RUFY3: variants seen among roughly 807,000 people sequenced by gnomAD.
RUFY3 encodes protein RUFY3.
RUFY3 carries 34 observed loss-of-function variants against 84.0 expected under a neutral mutation model. The observed-to-expected ratio is 0.40, with a 90% CI of 0.31 to 0.54. The LOEUF (loss-of-function observed/expected upper bound fraction) is 0.54, where lower values mean the gene tolerates loss of function less well. Among genes scored for constraint, RUFY3 ranks in the 20% least tolerant of loss-of-function variants. The pLI, the probability that RUFY3 is intolerant of heterozygous loss-of-function variation, is 0.39. For synonymous variants in RUFY3, 242 were observed against 252.9 expected, an observed-to-expected ratio of 0.96 and a Z score of 0.41; for missense variants, 507 against 736.8, an observed-to-expected ratio of 0.69 and a Z score of 3.61.
chr4:70,796,302 C>T (rs979687192), intron 14 of RUFY3, among the ~76,000 whole-genome samples: 1 of 152,232 alleles, frequency 6.6e-6, no homozygotes, highest in African/African-American at 2.4e-5. Context: ...TCCCTAAAAA[C>T]TGTTGCCATG....
rs1729519135 is a variant in RUFY3, at chr4:70,784,819, A to G, written c.1011A>G (p.Ala337=). The change falls in exon 10 of 18, where the codon GCA becomes GCG. Residue 337 remains alanine (A), a synonymous_variant. Transcript: ENST00000381006. Reference sequence around the variant, plus strand: ...AGGGTCCCAAGCAAGACAGAACTGCAGAAGGGCAAGCACTAAGTGAAGCAA... The same window carrying G: ...AGGGTCCCAAGCAAGACAGAACTGCGGAAGGGCAAGCACTAAGTGAAGCAA... ...NRKGPKQDRT[A]EGQALSEARK... 1 of 1,605,928 alleles carries G rather than the reference A, an allele frequency of 6.2e-7. No homozygotes were observed. Among genetic ancestry groups the G allele is most frequent in the Non-Finnish European group, 8.5e-7 (1 of 1,176,734 alleles).
chr4:70,764,362 C>CAGTG, intron 3 of RUFY3, 113 bp from the exon 4 acceptor site: 1 of 724,560 alleles, frequency 1.4e-6, no homozygotes, highest in Non-Finnish European at 2.4e-6. Flanking sequence ...AGGAGCACCT[C>CAGTG]AGTGTGCTTG....
intron 6 of RUFY3, among the ~76,000 whole-genome samples, chr4:70,774,646 T>A (rs7697086): frequency 0.017 from 902 of 54,134 alleles, 2 homozygotes; most frequent in African/African-American, 0.033. Context: ...AAAAAAAAAA[T>A]ATATATATAT....
chr4:70,706,956 G>T (rs1300925124), intron 1 of RUFY3, among the ~76,000 whole-genome samples: 1 of 152,152 alleles, frequency 6.6e-6, no homozygotes, highest in Admixed American at 6.5e-5. Context: ...TATTAAGCAT[G>T]CTACTATAGA....
intron 13 of RUFY3, 56 bp from the exon 14 acceptor site, chr4:70,794,739 A>C: frequency 8.8e-7 from 1 of 1,135,864 alleles, no homozygotes; most frequent in South Asian, 1.3e-5. Context: ...TTCTTTAGAG[A>C]ATATGTCTGT....
intron 1 of RUFY3, among the ~76,000 whole-genome samples, 157 bp from the exon 2 acceptor site, chr4:70,762,362 A>G (rs551011140): frequency 1.8e-3 from 276 of 152,298 alleles, no homozygotes; most frequent in African/African-American, 6.4e-3. Context: ...GATTTGATAA[A>G]ATAGTTCATT....
At chr4:70,785,586 T>C (rs1729652150) in intron 10 of RUFY3, among the ~76,000 whole-genome samples, 1 of 151,802 alleles carries the variant, frequency 6.6e-6, no homozygotes, top group East Asian at 1.9e-4. Flanking sequence ...CCCAGCACTT[T>C]GGGAGGCTGA....
intron 1 of RUFY3, among the ~76,000 whole-genome samples, chr4:70,756,751 T>C (rs1724087094): frequency 6.6e-6 from 1 of 152,186 alleles, no homozygotes. Context: ...CTCCTATGCA[T>C]ATTCCCCTGG....
intron 1 of RUFY3, among the ~76,000 whole-genome samples, chr4:70,753,193 A>C (rs1226289313): frequency 6.6e-6 from 1 of 152,214 alleles, no homozygotes; most frequent in Non-Finnish European, 1.5e-5. Context: ...AGTTGTCCGT[A>C]GTATTCCCTT....
intron 12 of RUFY3, 157 bp from the exon 13 acceptor site, chr4:70,793,628 C>T: frequency 6.7e-7 from 1 of 1,489,334 alleles, no homozygotes; most frequent in Non-Finnish European, 8.9e-7. Flanking sequence ...TCTTTTCCCC[C>T]CCATAATTTC....
At chr4:70,748,816 T>C (rs1050703046) in intron 1 of RUFY3, among the ~76,000 whole-genome samples, 1 of 152,152 alleles carries the variant, frequency 6.6e-6, no homozygotes. Flanking sequence ...AAGCTTCGTC[T>C]CTCATTATCA....
chr4:70,717,187 AAG>A (rs1560440221), upstream of RUFY3, among the ~76,000 whole-genome samples: 2 of 152,202 alleles, frequency 1.3e-5, no homozygotes, highest in South Asian at 4.1e-4. Context: ...TATTTTTAAA[AAG>A]CGTACAATGC....
At chr4:70,764,359 C>T (rs1266626765) in intron 3 of RUFY3, 116 bp from the exon 4 acceptor site, 2 of 715,034 alleles carry the variant, frequency 2.8e-6, no homozygotes, top group Admixed American at 2.4e-5. Context: ...CTGAGGAGCA[C>T]CTCAGTGTGC....
chr4:70,708,318 C>T (rs988202355), intron 1 of RUFY3, among the ~76,000 whole-genome samples: 6 of 151,928 alleles, frequency 3.9e-5, no homozygotes, highest in Non-Finnish European at 7.4e-5. Flanking sequence ...ATTACAGGTG[C>T]GCACCACCAC....
At chr4:70,778,573 C>CTTTTTTTTTTTTT (rs377520137) in intron 8 of RUFY3, 135 bp downstream of exon 8, 4 of 151,854 alleles carry the variant, frequency 2.6e-5, no homozygotes, top group Admixed American at 9.6e-5. Context: ...ACTTCTTATT[C>CTTTTTTTTTTTTT]TTTTTTTTTT....
rs767730751 is a variant in RUFY3 at position 70,784,802 on chromosome 4, A to C, written c.994A>C (p.Lys332Gln). ...TGTTATTTATCTTTTCAAGGGTCCCAAGCAAGACAGAACTGCAGAAGGGCA... is the reference window on the plus strand; with the variant it reads ...TGTTATTTATCTTTTCAAGGGTCCCCAGCAAGACAGAACTGCAGAAGGGCA... ...YILESNRKGPKQDRTAEGQAL... is the reference protein window; with the variant it reads ...YILESNRKGPQQDRTAEGQAL... The change falls in exon 10 of 18, where the codon AAG becomes CAG. Residue 332 changes from lysine (K) to glutamine (Q), a missense_variant. This residue lies in a region of RUFY3 where 334 missense variants were observed against 364.1 expected (regional missense o/e 0.92). Transcript: ENST00000381006. 3 of 1,601,102 alleles carry C rather than the reference A, an allele frequency of 1.9e-6. No individual in the cohort carries two copies. Among genetic ancestry groups the C allele is most frequent in the Non-Finnish European group, 2.6e-6 (3 of 1,174,868 alleles).
At chr4:70,719,972 T>C (rs1742076548), upstream of RUFY3, among the ~76,000 whole-genome samples, 1 of 152,184 alleles carries the variant, frequency 6.6e-6, no homozygotes, top group South Asian at 2.1e-4. Context: ...GAGATAGAAA[T>C]AAAACCAGGA....
intron 12 of RUFY3, chr4:70,790,103 C>T (rs1321633698): frequency 6.3e-6 from 1 of 158,458 alleles, no homozygotes; most frequent in South Asian, 2.0e-4. Flanking sequence ...TCTGTAGCTT[C>T]CACTGTCACC....
At chr4:70,724,497 T>G (rs1317987780) in intron 1 of RUFY3, among the ~76,000 whole-genome samples, 1 of 152,200 alleles carries the variant, frequency 6.6e-6, no homozygotes, top group Non-Finnish European at 1.5e-5. Context: ...AGCAGCGCCA[T>G]TTGAATTCTT....
Sources: gnomAD v4.1 joint callset for allele counts (sites outside exome capture counted in the v4.1 genomes callset) on GRCh38, gnomAD v4.1.1 for gene constraint, gnomAD v4.1.1 regional missense constraint, MANE v1.5 for transcripts, NCBI Gene and HGNC (gene_info 2026-07-23, HGNC 2026-07-21) for gene names.